GPC5: variants seen among roughly 807,000 people sequenced by gnomAD.
The protein encoded by GPC5 is glypican 5.
GPC5 carries 47 observed loss-of-function variants against 53.9 expected under a neutral mutation model. The ratio of observed to expected loss-of-function variants is 0.87; its 90% CI spans 0.69 to 1.11. GPC5 has a LOEUF of 1.11. GPC5 is among the 50% of genes most tolerant of loss of function. GPC5 has a pLI of 0.00. For synonymous variants in GPC5, 286 were observed against 263.3 expected (o/e 1.09, Z -0.84); for missense variants, 748 against 713.1 (o/e 1.05, Z -0.56).
At chr13:91,710,597 C>A (rs1242289933) in intron 3 of GPC5, among the ~76,000 whole-genome samples, 1 of 152,146 alleles carries the variant, frequency 6.6e-6, no homozygotes, top group Admixed American at 6.6e-5. Flanking sequence ...CTTTCATCTT[C>A]CATTTCTTAA....
At chr13:92,102,390 A>G (rs2041474285) in intron 6 of GPC5, among the ~76,000 whole-genome samples, 1 of 152,176 alleles carries the variant, frequency 6.6e-6, no homozygotes, top group South Asian at 2.1e-4. Context: ...AGCTGAGTTT[A>G]GGTACCAGAC....
In GPC5 at chr13:91,763,280, G is replaced by A. The variant is rs566612661; in HGVS notation, c.1280+6860G>A. Among the ~76,000 whole-genome samples the A allele has an allele frequency of 1.2e-3, 182 of 151,988 alleles. 1 individual carries two copies. The highest frequency in any genetic ancestry group is 4.2e-3 in the African/African-American group (172 of 41,430). On this transcript the variant is annotated intron_variant, in intron 5 of 7. Transcript: ENST00000377067. ...TGGATGCTGATTTTTTCTCCCCCCC[G>A]GACAACTTTAAGACCATGTACATCT...
At chr13:91,641,267 G>T (rs988035498) in intron 2 of GPC5, among the ~76,000 whole-genome samples, 2 of 152,232 alleles carry the variant, frequency 1.3e-5, no homozygotes, top group African/African-American at 4.8e-5. Flanking sequence ...GGCGGAGCTT[G>T]CAGTGAGCCA....
intron 3 of GPC5, among the ~76,000 whole-genome samples, chr13:91,708,586 T>C (rs965186490): frequency 2.6e-5 from 4 of 152,064 alleles, no homozygotes; most frequent in Non-Finnish European, 5.9e-5. Context: ...AACAAAAATA[T>C]TGTAAAATTA....
intron 5 of GPC5, among the ~76,000 whole-genome samples, chr13:91,857,038 C>T (rs2038974812): frequency 6.6e-6 from 1 of 150,772 alleles, no homozygotes; most frequent in Non-Finnish European, 1.5e-5. Context: ...TGCTTAGTGC[C>T]TTTGTTTAAA....
chr13:92,395,814 T>C (rs1337711650), intron 7 of GPC5, among the ~76,000 whole-genome samples: 3 of 152,122 alleles, frequency 2.0e-5, no homozygotes, highest in African/African-American at 7.2e-5. Context: ...GCTGTATCAG[T>C]AAGGTGTTCC....
At chr13:92,520,621 G>A (rs975373717) in intron 7 of GPC5, among the ~76,000 whole-genome samples, 1 of 152,062 alleles carries the variant, frequency 6.6e-6, no homozygotes, top group Non-Finnish European at 1.5e-5. Flanking sequence ...GGTATTGATG[G>A]GACGTATCTC....
intron 7 of GPC5, among the ~76,000 whole-genome samples, chr13:92,689,160 G>A (rs1221442230): frequency 9.7e-5 from 3 of 31,066 alleles, no homozygotes; most frequent in Non-Finnish European, 1.0e-4. Flanking sequence ...AATGTTGACA[G>A]TGGGGTGTTA....
At chr13:92,267,312 C>G (rs1566510900) in intron 7 of GPC5, among the ~76,000 whole-genome samples, 2 of 152,044 alleles carry the variant, frequency 1.3e-5, no homozygotes, top group South Asian at 4.1e-4. Flanking sequence ...TTTCTTTAAC[C>G]TGTTCTCAAT....
intron 7 of GPC5, among the ~76,000 whole-genome samples, chr13:92,275,399 A>G (rs1011324668): frequency 6.6e-6 from 1 of 152,130 alleles, no homozygotes; most frequent in Non-Finnish European, 1.5e-5. Context: ...CTTTAATGAT[A>G]CACACTAAAA....
intron 7 of GPC5, among the ~76,000 whole-genome samples, chr13:92,217,654 G>A (rs995105319): frequency 6.6e-6 from 1 of 152,154 alleles, no homozygotes; most frequent in Non-Finnish European, 1.5e-5. Flanking sequence ...TGTATCTACT[G>A]CAATGGTTCT....
intron 7 of GPC5, among the ~76,000 whole-genome samples, chr13:92,246,476 ATCTC>A (rs2042651587): frequency 6.6e-6 from 1 of 152,084 alleles, no homozygotes. Flanking sequence ...GTAAAGACAG[ATCTC>A]TCTGTCATTT....
At chr13:91,945,276 T>G (rs1594679371) in intron 6 of GPC5, among the ~76,000 whole-genome samples, 1 of 152,170 alleles carries the variant, frequency 6.6e-6, no homozygotes, top group Non-Finnish European at 1.5e-5. Context: ...TCTTTACAAT[T>G]TAGTTTTTTT....
chr13:92,703,052 A>ATATTTATTTATT lies in GPC5; in HGVS notation c.1562-163204_1562-163193dup, dbSNP rs138015246. Among the ~76,000 whole-genome samples the ATATTTATTTATT allele has an allele frequency of 6.6e-3, 961 of 145,800 alleles. 10 individuals carry two copies. The highest frequency in any genetic ancestry group is 0.023 in the African/African-American group (903 of 39,628). On this transcript the variant is annotated intron_variant, in intron 7 of 7. Coordinates refer to ENST00000377067, the MANE Select transcript of GPC5 (RefSeq NM_004466.6). ...TCATCCCTATACCTGGCATATATAT[A>ATATTTATTTATT]TATTTATTTATTTATTTATTTATTT...
At chr13:92,342,357 G>T (rs977988291) in intron 7 of GPC5, among the ~76,000 whole-genome samples, 1 of 152,084 alleles carries the variant, frequency 6.6e-6, no homozygotes, top group Non-Finnish European at 1.5e-5. Flanking sequence ...GTCTGCTACG[G>T]TCTAAATGTT....
chr13:92,842,064 T>C (rs1295870381), intron 7 of GPC5, among the ~76,000 whole-genome samples: 3 of 152,180 alleles, frequency 2.0e-5, no homozygotes, highest in Non-Finnish European at 2.9e-5. Flanking sequence ...CTCTAGGAAG[T>C]AGCTTTTCTC....
At chr13:91,962,084 C>A (rs776718650) in intron 6 of GPC5, among the ~76,000 whole-genome samples, 13 of 152,102 alleles carry the variant, frequency 8.5e-5, no homozygotes, top group Non-Finnish European at 1.9e-4. Flanking sequence ...ATTCATTTGA[C>A]AGTTAAATTT....
intron 7 of GPC5, among the ~76,000 whole-genome samples, chr13:92,747,279 T>C (rs557616250): frequency 1.3e-5 from 2 of 152,290 alleles, no homozygotes; most frequent in African/African-American, 4.8e-5. Flanking sequence ...GAAATCGTTT[T>C]AAAGGACTTA....
chr13:92,192,194 A>T (rs997698821), intron 7 of GPC5, among the ~76,000 whole-genome samples: 2 of 152,156 alleles, frequency 1.3e-5, no homozygotes, highest in Non-Finnish European at 2.9e-5. Flanking sequence ...AAACTCAGAG[A>T]ACGTACAATA....
Sources: gnomAD v4.1 joint callset for allele counts (sites outside exome capture counted in the v4.1 genomes callset) on GRCh38, gnomAD v4.1.1 for gene constraint, MANE v1.5 for transcripts, NCBI Gene and HGNC (gene_info 2026-07-23, HGNC 2026-07-21) for gene names.